XKR9: variants seen among roughly 807,000 people sequenced by gnomAD.
The protein encoded by XKR9 is XK related 9.
Under a neutral mutation model 32.0 loss-of-function variants are expected in XKR9, and 32 were observed. The observed-to-expected ratio is 1.00, with a 90% CI of 0.76 to 1.34. The LOEUF (loss-of-function observed/expected upper bound fraction) is 1.34, where lower values mean the gene tolerates loss of function less well. Among genes scored for constraint, XKR9 ranks in the 40% most tolerant of loss-of-function variants. The probability of loss-of-function intolerance (pLI) is 0.00; values close to 1 mark genes in which losing one functional copy is unlikely to be tolerated. For missense variants in XKR9, 546 were observed against 429.7 expected, an observed-to-expected ratio of 1.27 and a Z score of -2.39; for synonymous variants, 168 against 143.4, an observed-to-expected ratio of 1.17 and a Z score of -1.22.
the XKR9 span, among the ~76,000 whole-genome samples, chr8:70,974,966 G>C: frequency 6.6e-6 from 1 of 152,154 alleles, no homozygotes; most frequent in Non-Finnish European, 1.5e-5. Context: ...TTATAGTTTT[G>C]ATTTGCATTT....
chr8:70,814,188 C>G, the XKR9 span, among the ~76,000 whole-genome samples: 2 of 151,860 alleles, frequency 1.3e-5, no homozygotes, highest in African/African-American at 4.8e-5. Flanking sequence ...CAAACTATCG[C>G]AAGGACAAAA....
At chr8:70,770,773 T>C (rs1463913032) in intron 2 of XKR9, among the ~76,000 whole-genome samples, 3 of 152,150 alleles carry the variant, frequency 2.0e-5, no homozygotes, top group African/African-American at 7.2e-5. Context: ...CCCACCAACC[T>C]GGAGTGTCCC....
At chr8:70,878,915 C>T in the XKR9 span, among the ~76,000 whole-genome samples, 4 of 152,170 alleles carry the variant, frequency 2.6e-5, no homozygotes, top group Non-Finnish European at 2.9e-5. Flanking sequence ...GTAAAGCACT[C>T]CTCAGCAAAT....
intron 2 of XKR9, among the ~76,000 whole-genome samples, chr8:70,751,637 A>AGGT: frequency 6.6e-6 from 1 of 152,128 alleles, no homozygotes; most frequent in Non-Finnish European, 1.5e-5. Context: ...GGCAGAGGAA[A>AGGT]GGTGATTTGC....
At chr8:70,770,267 T>G (rs1807436235) in intron 2 of XKR9, among the ~76,000 whole-genome samples, 1 of 152,162 alleles carries the variant, frequency 6.6e-6, no homozygotes, top group Non-Finnish European at 1.5e-5. Context: ...GCATCACCAG[T>G]GGAGGCTGCA....
At chr8:71,050,208 A>G in the XKR9 span, among the ~76,000 whole-genome samples, 1 of 148,118 alleles carries the variant, frequency 6.8e-6, no homozygotes, top group Non-Finnish European at 1.5e-5. Context: ...AAATGATTTT[A>G]TATTTTGAAG....
At chr8:70,939,280 G>A in the XKR9 span, among the ~76,000 whole-genome samples, 1 of 151,972 alleles carries the variant, frequency 6.6e-6, no homozygotes, top group Non-Finnish European at 1.5e-5. Context: ...GGTATTTTTC[G>A]GCAGTGTGAC....
chr8:70,873,843 G>A, the XKR9 span, among the ~76,000 whole-genome samples: 5 of 152,326 alleles, frequency 3.3e-5, no homozygotes, highest in South Asian at 1.0e-3. Flanking sequence ...CTATCAAGCA[G>A]CATTGCATGC....
At chr8:70,764,170 C>T (rs1274744338) in intron 2 of XKR9, among the ~76,000 whole-genome samples, 1 of 152,166 alleles carries the variant, frequency 6.6e-6, no homozygotes, top group African/African-American at 2.4e-5. Context: ...TTTAGGTTTA[C>T]TCCACCAAAT....
At chr8:70,907,932 T>C in the XKR9 span, among the ~76,000 whole-genome samples, 1 of 152,246 alleles carries the variant, frequency 6.6e-6, no homozygotes, top group African/African-American at 2.4e-5. Flanking sequence ...AATTATTTTG[T>C]TTCAGAAAAT....
chr8:70,990,516 A>G, the XKR9 span, among the ~76,000 whole-genome samples: 6 of 152,214 alleles, frequency 3.9e-5, no homozygotes, highest in African/African-American at 1.2e-4. Context: ...GCACAGTTAT[A>G]TTTGTCATTC....
In XKR9 at chr8:70,704,961, A is replaced by G. The variant is rs556765401; in HGVS notation, c.273-1972A>G. 4.6e-4 allele frequency among the ~76,000 whole-genome samples: 70 copies of G among 151,966 alleles called. 1 individual carries two copies. Among genetic ancestry groups the G allele is most frequent in the Admixed American group, 1.1e-3 (17 of 15,256 alleles). On this transcript the variant is annotated intron_variant, in intron 3 of 4. Coordinates refer to ENST00000408926, the MANE Select transcript of XKR9 (RefSeq NM_001011720.2). ...AGTAGTTTATAGGCTTGGCCCTCCC[A>G]TTAGGTTGTGAGGTCATTGTGGGTA...
the XKR9 span, among the ~76,000 whole-genome samples, chr8:70,889,462 A>T: frequency 6.6e-6 from 1 of 151,612 alleles, no homozygotes; most frequent in Non-Finnish European, 1.5e-5. Flanking sequence ...ACCTGGGTAT[A>T]GTGTGTAATG....
chr8:70,734,037 G>A lies in XKR9; in HGVS notation c.735G>A (p.Trp245Ter), dbSNP rs1435819751. The A allele has an allele frequency of 1.9e-6, 3 of 1,613,106 alleles. No individual in the cohort carries two copies. The highest frequency in any genetic ancestry group is 1.3e-5 in the African/African-American group (1 of 74,850). ...TTCTTTGGTTGTTAGGTATAATATG[G>A]GCATTTAAAAACAACACCCAGTTTT... ...LLFLWLLGII[W>*]AFKNNTQFCT... The change falls in exon 5 of 5, where the codon TGG becomes TGA. Residue 245 changes from tryptophan to a stop codon, truncating the protein, a stop_gained. Coordinates refer to ENST00000408926, the MANE Select transcript of XKR9 (RefSeq NM_001011720.2). LOFTEE classifies it high-confidence loss of function.
chr8:70,977,013 T>C, the XKR9 span, among the ~76,000 whole-genome samples: 1 of 152,242 alleles, frequency 6.6e-6, no homozygotes, highest in African/African-American at 2.4e-5. Flanking sequence ...CATAGAGGTG[T>C]TTATAGTATT....
At chr8:70,970,897 G>A in the XKR9 span, among the ~76,000 whole-genome samples, 23 of 152,268 alleles carry the variant, frequency 1.5e-4, no homozygotes, top group East Asian at 1.7e-3. Context: ...ACAGTGTGGC[G>A]ATTCCTTAAA....
the XKR9 span, among the ~76,000 whole-genome samples, chr8:70,850,096 G>A: frequency 1.3e-5 from 2 of 152,026 alleles, no homozygotes; most frequent in Non-Finnish European, 2.9e-5. Flanking sequence ...AGAAAAAGAG[G>A]GACTCCTCCC....
intron 2 of XKR9, among the ~76,000 whole-genome samples, chr8:70,741,752 G>A (rs1281092192): frequency 6.6e-6 from 1 of 152,140 alleles, no homozygotes; most frequent in Admixed American, 6.5e-5. Flanking sequence ...TCTGCTTTCA[G>A]TTCTTTTGGA....
At chr8:70,802,444 A>G in the XKR9 span, among the ~76,000 whole-genome samples, 1 of 152,130 alleles carries the variant, frequency 6.6e-6, no homozygotes, top group South Asian at 2.1e-4. Flanking sequence ...TTGCCACTCT[A>G]TGCCTTTTAA....
Sources: gnomAD v4.1 joint callset for allele counts (sites outside exome capture counted in the v4.1 genomes callset) on GRCh38, gnomAD v4.1.1 for gene constraint, MANE v1.5 for transcripts, NCBI Gene and HGNC (gene_info 2026-07-23, HGNC 2026-07-21) for gene names.